Variants in RGS12 observed in about 807,000 individuals in gnomAD.
The protein encoded by RGS12 is regulator of G-protein signaling 12.
A neutral mutation model predicts 120.1 loss-of-function variants in RGS12; 66 were observed. That is an observed-to-expected ratio of 0.55 (90% CI 0.45 to 0.67). The LOEUF (loss-of-function observed/expected upper bound fraction) is 0.67. RGS12 is among the 30% of genes least tolerant of loss of function. The pLI, the probability that RGS12 is intolerant of heterozygous loss-of-function variation, is 0.00. For missense variants in RGS12, 1,859 were observed against 1,957.7 expected (o/e 0.95, Z 0.95); for synonymous variants, 827 against 804.7 (o/e 1.03, Z -0.47).
chr4:3,293,645 G>C (rs1358149252), intron 1 of RGS12, among the ~76,000 whole-genome samples: 1 of 151,130 alleles, frequency 6.6e-6, no homozygotes, highest in African/African-American at 2.4e-5. Flanking sequence ...AGAGCCGTGC[G>C]GTGTAGACAG....
At chr4:3,431,978 G>C (rs1019343282) in intron 17 of RGS12, 1 of 985,324 alleles carries the variant, frequency 1.0e-6, no homozygotes, top group South Asian at 4.7e-5. Context: ...CATGGGAGGG[G>C]CTACCTGGTC....
At chr4:3,334,623 A>G (rs1712235623) in intron 2 of RGS12, among the ~76,000 whole-genome samples, 1 of 151,766 alleles carries the variant, frequency 6.6e-6, no homozygotes, top group Admixed American at 6.6e-5. Context: ...ATTGAATCTT[A>G]TATTTTATTT....
chr4:3,429,764 C>A (rs1020847540), intron 16 of RGS12, among the ~76,000 whole-genome samples: 1 of 152,202 alleles, frequency 6.6e-6, no homozygotes, highest in East Asian at 1.9e-4. Context: ...CCCGTCCTGG[C>A]CCCTCGGGGC....
intron 4 of RGS12, among the ~76,000 whole-genome samples, chr4:3,387,096 C>G (rs1718936680): frequency 6.6e-6 from 1 of 152,220 alleles, no homozygotes; most frequent in African/African-American, 2.4e-5. Flanking sequence ...CTCTTTTCTT[C>G]TAACACTCCT....
At chr4:3,405,484 C>T (rs141885696) in intron 4 of RGS12, among the ~76,000 whole-genome samples, 77 of 152,280 alleles carry the variant, frequency 5.1e-4, no homozygotes, top group African/African-American at 1.6e-3. Flanking sequence ...GGCTGGGGAA[C>T]ATTCCAGATG....
At chr4:3,325,647 T>A (rs1225041738) in intron 2 of RGS12, among the ~76,000 whole-genome samples, 2 of 152,186 alleles carry the variant, frequency 1.3e-5, no homozygotes, top group Admixed American at 1.3e-4. Flanking sequence ...CTGAAACGGT[T>A]CCAGAAAATG....
intron 1 of RGS12, among the ~76,000 whole-genome samples, chr4:3,309,077 T>C (rs1436861462): frequency 3.7e-4 from 39 of 104,510 alleles, no homozygotes; most frequent in South Asian, 1.4e-3. Flanking sequence ...GAGCTGGGAC[T>C]CGGGAATGGC....
intron 13 of RGS12, among the ~76,000 whole-genome samples, chr4:3,424,297 A>G (rs1230951695): frequency 3.3e-5 from 5 of 152,230 alleles, no homozygotes; most frequent in Admixed American, 2.6e-4. Context: ...GATTTCAAGT[A>G]TTTTCAGGAT....
intron 17 of RGS12, among the ~76,000 whole-genome samples, chr4:3,434,459 G>A (rs917750615): frequency 3.3e-5 from 5 of 152,178 alleles, no homozygotes; most frequent in Non-Finnish European, 5.9e-5. Flanking sequence ...ATGTGTCGGT[G>A]TGTGCACCTG....
At chr4:3,418,132 C>T (rs537188974) in intron 9 of RGS12, 26 of 152,328 alleles carry the variant, frequency 1.7e-4, no homozygotes, top group African/African-American at 5.8e-4. Context: ...CTTTTTTCTT[C>T]GCACATCTGA....
At chr4:3,431,182 G>C in intron 17 of RGS12, 1 of 1,403,070 alleles carries the variant, frequency 7.1e-7, no homozygotes, top group Non-Finnish European at 9.2e-7. Flanking sequence ...CTCTGGGCAG[G>C]CATCCTGGTG....
chr4:3,425,414 C>T, intron 13 of RGS12, 50 bp from the exon 14 acceptor site: 1 of 1,497,842 alleles, frequency 6.7e-7, no homozygotes, highest in Non-Finnish European at 9.3e-7. Flanking sequence ...CACATCTGTT[C>T]CCTGAAGTTC....
chr4:3,416,085 A>C lies in RGS12; in HGVS notation c.2391A>C (p.Ala797=), dbSNP rs746529402. The C allele has an allele frequency of 6.2e-7, 1 of 1,613,956 alleles. No homozygotes were observed. Residue 797 remains alanine (A), a synonymous_variant, in exon 7 of 18, where the codon GCA becomes GCC. Coordinates refer to ENST00000336727, the MANE Select transcript of RGS12 (RefSeq NM_001394154.1). ...QAQLADDVLR[A]PHPDMFKEQQ... ...AGCTAGCAGACGACGTCCTCCGCGC[A>C]CCTCACCCAGACATGTTCAAGGAGC...
chr4:3,419,313 A>G (rs1457909648), intron 9 of RGS12: 1 of 151,170 alleles, frequency 6.6e-6, no homozygotes, highest in Non-Finnish European at 1.5e-5. Context: ...CCTGGGCAAC[A>G]GAGCGAGACT....
intron 2 of RGS12, among the ~76,000 whole-genome samples, chr4:3,333,295 C>T (rs1209612170): frequency 5.3e-5 from 8 of 152,132 alleles, no homozygotes; most frequent in South Asian, 2.1e-4. Context: ...GTGATCCACC[C>T]GCCTCGGCCT....
At chr4:3,377,380 A>C (rs756381158) in intron 3 of RGS12, among the ~76,000 whole-genome samples, 2 of 152,146 alleles carry the variant, frequency 1.3e-5, no homozygotes, top group Non-Finnish European at 2.9e-5. Flanking sequence ...TGATTATTAA[A>C]TTCTTAATTC....
In RGS12 at chr4:3,370,069, T is replaced by C. The variant is rs577679572; in HGVS notation, c.1999-16347T>C. Reference sequence around the variant, plus strand: ...GTGATTTATGTAAACGGCGCTTCTTTCTTTGGATGAGACAATTGAGATAGA... The same window carrying C: ...GTGATTTATGTAAACGGCGCTTCTTCCTTTGGATGAGACAATTGAGATAGA... On this transcript the variant is annotated intron_variant, in intron 3 of 17. Transcript: ENST00000336727. The C allele has an allele frequency of 1.8e-4, 232 of 1,268,258 alleles. 1 individual carries two copies. The highest frequency in any genetic ancestry group is 2.1e-4 in the Non-Finnish European group (206 of 1,004,762). The allele number at this position is 1,268,258 out of a possible 1,614,324, so 78.6% of individuals were successfully genotyped here.
chr4:3,385,023 A>C (rs891995258), intron 3 of RGS12: 2 of 152,430 alleles, frequency 1.3e-5, no homozygotes, highest in African/African-American at 4.8e-5. Context: ...TGTGTCCCGG[A>C]GGGCCACACG....
At chr4:3,369,342 G>T (rs1037296699) in intron 3 of RGS12, among the ~76,000 whole-genome samples, 5 of 152,218 alleles carry the variant, frequency 3.3e-5, no homozygotes, top group African/African-American at 1.2e-4. Flanking sequence ...GAACACTCTC[G>T]TGCGGGGAAT....
Sources: gnomAD v4.1 joint callset for allele counts (sites outside exome capture counted in the v4.1 genomes callset) on GRCh38, gnomAD v4.1.1 for gene constraint, MANE v1.5 for transcripts, NCBI Gene and HGNC (gene_info 2026-07-23, HGNC 2026-07-21) for gene names.